The following ETFBKMT variants were observed in gnomAD, a reference collection of about 807,000 sequenced individuals.
The protein encoded by ETFBKMT is electron transfer flavoprotein beta subunit lysine methyltransferase.
Under a neutral mutation model 18.3 loss-of-function variants are expected in ETFBKMT, and 13 were observed. The observed-to-expected ratio is 0.71, with a 90% CI of 0.46 to 1.13. The LOEUF (loss-of-function observed/expected upper bound fraction) is 1.13. Among genes scored for constraint, ETFBKMT ranks in the 50% most tolerant of loss-of-function variants. The pLI is 0.00. For missense variants in ETFBKMT, 293 were observed against 306.2 expected (o/e 0.96, Z 0.32); for synonymous variants, 84 against 107.9 (o/e 0.78, Z 1.37).
In ETFBKMT at chr12:31,666,307, G is replaced by A. The variant is rs146351883; in HGVS notation, c.445+90G>A. 583 of 1,336,376 alleles carry A rather than the reference G, an allele frequency of 4.4e-4. 9 individuals carry two copies. In the East Asian group the frequency reaches 9.8e-3, roughly 22 times the overall value. 82.8% of individuals were successfully genotyped at this position (1,336,376 alleles called of 1,614,324 possible). The stretch of plus-strand genomic sequence containing the variant: ...CACATGCTCAGTGTGGTAGCTTATC[G>A]TTATATGTATTTTGTGATTGGACAT... On this transcript the variant is annotated intron_variant, in intron 3 of 3. Coordinates refer to ENST00000357721, the MANE Select transcript of ETFBKMT (RefSeq NM_001135863.2).
chr12:31,661,803 C>T (rs1275329474), intron 1 of ETFBKMT, 38 bp from the exon 2 acceptor site: 1 of 711,378 alleles, frequency 1.4e-6, no homozygotes, highest in East Asian at 2.6e-5. Context: ...GTTGCTCTTC[C>T]TCAGAATTCT....
chr12:31,653,559 G>A (rs992152292), intron 1 of ETFBKMT, among the ~76,000 whole-genome samples: 1 of 152,196 alleles, frequency 6.6e-6, no homozygotes, highest in Non-Finnish European at 1.5e-5. Flanking sequence ...ACACAGACAC[G>A]GTGCCCATAG....
rs1171237518 is a variant in ETFBKMT, at chr12:31,667,931, T to A, written c.730T>A (p.Ser244Thr). ...HKVVEYSLLE[S>T]TRQENSGLTT... The stretch of plus-strand genomic sequence containing the variant: ...AGTGGTAGAATATTCACTTTTGGAG[T>A]CTACTAGGCAGGAAAACAGTGGACT... The change falls in exon 4 of 4, where the codon TCT becomes ACT. Residue 244 changes from serine (S) to threonine (T), a missense_variant. Transcript: ENST00000357721. 13 of 1,614,018 alleles carry A rather than the reference T, an allele frequency of 8.1e-6. No homozygotes were observed. Among genetic ancestry groups the A allele is most frequent in the Non-Finnish European group, 1.1e-5 (13 of 1,180,028 alleles).
At chr12:31,651,334 G>A (rs1425041691) in intron 1 of ETFBKMT, among the ~76,000 whole-genome samples, 1 of 150,006 alleles carries the variant, frequency 6.7e-6, no homozygotes, top group Non-Finnish European at 1.5e-5. Context: ...TTTTGAGACG[G>A]AGTCTTGCTC....
chr12:31,649,451 ATAT>A (rs1374039224), intron 1 of ETFBKMT, among the ~76,000 whole-genome samples: 1 of 152,066 alleles, frequency 6.6e-6, no homozygotes, highest in Non-Finnish European at 1.5e-5. Flanking sequence ...TGCCTCACAG[ATAT>A]TGTGAATTTT....
upstream of ETFBKMT, among the ~76,000 whole-genome samples, chr12:31,657,519 C>T (rs181990043): frequency 7.2e-5 from 11 of 152,158 alleles, no homozygotes; most frequent in African/African-American, 2.2e-4. Context: ...CTTGGCCGGT[C>T]GCAGTGGCTC....
intron 2 of ETFBKMT, among the ~76,000 whole-genome samples, chr12:31,663,796 T>C (rs1951160711): frequency 6.6e-6 from 1 of 152,118 alleles, no homozygotes; most frequent in African/African-American, 2.4e-5. Context: ...CGTAAGTGAA[T>C]TGCTCATCCT....
At chr12:31,650,746 C>T (rs1951010405) in intron 1 of ETFBKMT, among the ~76,000 whole-genome samples, 1 of 151,602 alleles carries the variant, frequency 6.6e-6, no homozygotes, top group Non-Finnish European at 1.5e-5. Flanking sequence ...AAGGACGTGC[C>T]ACCCCCAAAT....
chr12:31,666,123 A>G lies in ETFBKMT; in HGVS notation c.351A>G (p.Lys117=), dbSNP rs373057648. 6.2e-7 allele frequency: 1 copy of G among 1,613,710 alleles called. No individual in the cohort carries two copies. Among genetic ancestry groups the G allele is most frequent in the Non-Finnish European group, 8.5e-7 (1 of 1,179,786 alleles). ...LLDNPDVVRG[K]SVLDLGSGCG... ...ATAATCCTGATGTTGTCAGAGGAAA[A>G]TCTGTATTAGATCTTGGGAGTGGAT... Residue 117 remains lysine, a synonymous_variant, in exon 3 of 4, where the codon AAA becomes AAG. Coordinates refer to ENST00000357721, the MANE Select transcript of ETFBKMT (RefSeq NM_001135863.2).
chr12:31,647,899 C>A (rs909610067), intron 1 of ETFBKMT, among the ~76,000 whole-genome samples: 3 of 151,960 alleles, frequency 2.0e-5, no homozygotes, highest in Non-Finnish European at 4.4e-5. Context: ...GAAATTGGAA[C>A]CTTCATAAAT....
intron 1 of ETFBKMT, 44 bp downstream of exon 1, chr12:31,659,833 T>A (rs1389924890): frequency 1.3e-5 from 2 of 151,904 alleles, no homozygotes; most frequent in Non-Finnish European, 2.9e-5. Context: ...GTTTTGATAT[T>A]TGAATGAGTT....
intron 1 of ETFBKMT, chr12:31,661,083 G>A (rs184781106): frequency 6.6e-6 from 1 of 152,096 alleles, no homozygotes; most frequent in African/African-American, 2.4e-5. Flanking sequence ...CATTTACGTT[G>A]TATTAAGTAT....
At chr12:31,651,344 C>G (rs1054826619) in intron 1 of ETFBKMT, among the ~76,000 whole-genome samples, 11 of 146,932 alleles carry the variant, frequency 7.5e-5, no homozygotes, top group African/African-American at 2.5e-4. Context: ...GAGTCTTGCT[C>G]TGTCGTCCAG....
intron 1 of ETFBKMT, among the ~76,000 whole-genome samples, chr12:31,652,697 T>G (rs952667299): frequency 6.6e-6 from 1 of 152,116 alleles, no homozygotes; most frequent in Non-Finnish European, 1.5e-5. Flanking sequence ...ATGATGGTGA[T>G]TTATATTAGA....
At chr12:31,654,564 T>C (rs1365425366), upstream of ETFBKMT, among the ~76,000 whole-genome samples, 6 of 152,310 alleles carry the variant, frequency 3.9e-5, no homozygotes, top group East Asian at 1.2e-3. Context: ...GGAGCTTATC[T>C]ATATGTACAA....
At chr12:31,659,917 G>A (rs1446993606) in intron 1 of ETFBKMT, 128 bp downstream of exon 1, 1 of 150,894 alleles carries the variant, frequency 6.6e-6, no homozygotes, top group Non-Finnish European at 1.5e-5. Flanking sequence ...GGGAGGTCGA[G>A]GCAGGAGGAT....
chr12:31,653,618 G>A (rs1398121727), intron 1 of ETFBKMT, among the ~76,000 whole-genome samples: 2 of 152,202 alleles, frequency 1.3e-5, no homozygotes, highest in Non-Finnish European at 2.9e-5. Flanking sequence ...GGAAGCTGAA[G>A]CTCCAGAAAA....
chr12:31,649,140 C>T (rs530335499), intron 1 of ETFBKMT, among the ~76,000 whole-genome samples: 152 of 152,214 alleles, frequency 1.0e-3, no homozygotes, highest in African/African-American at 3.4e-3. Context: ...TTAGTAGAGA[C>T]GGGGTTTCAC....
Position 31,662,253 on chromosome 12 carries a change from C to T in ETFBKMT, c.300C>T (p.Gly100=). The T allele has an allele frequency of 1.2e-6, 2 of 1,614,056 alleles. No homozygotes were observed. The highest frequency in any genetic ancestry group is 3.3e-4 in the Middle Eastern group (2 of 6,056). ...ACTGGGCAATCTACTGGCCAGGAGG[C>T]CAAGCCCTGTCTAGGTACTACCCTA... is the stretch of plus-strand genomic sequence containing the variant. ...DPYWAIYWPG[G]QALSRYLLDN... is the part of the protein sequence containing the mutation. The change falls in exon 2 of 4, where the codon GGC becomes GGT. Residue 100 remains glycine (G), a synonymous_variant. Coordinates refer to ENST00000357721, the MANE Select transcript of ETFBKMT (RefSeq NM_001135863.2).
Sources: allele counts gnomAD v4.1 joint callset (sites outside exome capture counted in the v4.1 genomes callset), GRCh38; gene constraint gnomAD v4.1.1; transcripts MANE v1.5; gene names NCBI Gene and HGNC (gene_info 2026-07-23, HGNC 2026-07-21).